The following KLLN variants were observed in gnomAD, a reference collection of about 807,000 sequenced individuals.
KLLN encodes the protein killin.
For synonymous variants in KLLN, 142 were observed against 102.2 expected (o/e 1.39, Z -2.35); for missense variants, 340 against 241.3 (o/e 1.41, Z -2.71).
Position 87,860,076 on chromosome 10 carries a change from T to G in KLLN, c.*1875A>C, listed in dbSNP as rs552063520. The G allele has an allele frequency of 9.4e-5, 14 of 149,428 alleles. No homozygotes were observed. The highest frequency in any genetic ancestry group is 3.4e-4 in the African/African-American group (14 of 40,734). 9.3% of individuals were successfully genotyped at this position (149,428 alleles called of 1,614,324 possible). ...ACTGAAGTGCTTGGAGACCAGTGTATTGTAATATCTATACAGCCAAGCAGG... is the reference window on the plus strand; with the variant it reads ...ACTGAAGTGCTTGGAGACCAGTGTAGTGTAATATCTATACAGCCAAGCAGG... On this transcript the variant is annotated 3_prime_UTR_variant, in exon 1 of 1. Coordinates refer to ENST00000445946, the MANE Select transcript of KLLN (RefSeq NM_001126049.2).
In KLLN at chr10:87,862,406, T is replaced by G; in HGVS notation, c.82A>C (p.Asn28His). Reference sequence around the variant, plus strand: ...TCGCTGGGCTGCAGCTTCCTACCGTTCCGTACTTTCCACTCAACCCGGTAA... The same window carrying G: ...TCGCTGGGCTGCAGCTTCCTACCGTGCCGTACTTTCCACTCAACCCGGTAA... The part of the protein sequence containing the change: ...WGYRVEWKVR[N>H]GRKLQPSEWA... Residue 28 changes from asparagine (N) to histidine (H), a missense_variant, in exon 1 of 1, where the codon AAC becomes CAC. Coordinates refer to ENST00000445946, the MANE Select transcript of KLLN (RefSeq NM_001126049.2). 1 of 1,551,580 alleles carries G rather than the reference T, an allele frequency of 6.4e-7. No individual in the cohort carries two copies.
Position 87,861,681 on chromosome 10 carries a change from C to T in KLLN, c.*270G>A, listed in dbSNP as rs1480438950. On this transcript the variant is annotated 3_prime_UTR_variant, in exon 1 of 1. Transcript: ENST00000445946. ...GGCTGACGGCCATTGACTAGGTTCTCAGACCAGATAAGTCACTTGGCTGAG... is the reference window on the plus strand; with the variant it reads ...GGCTGACGGCCATTGACTAGGTTCTTAGACCAGATAAGTCACTTGGCTGAG... The T allele has an allele frequency of 1.5e-5, 6 of 395,810 alleles. No individual in the cohort carries two copies. The highest frequency in any genetic ancestry group is 2.3e-5 in the Non-Finnish European group (5 of 221,158). 24.5% of individuals were successfully genotyped at this position (395,810 alleles called of 1,614,324 possible).
the KLLN span, chr10:87,862,228 G>T: frequency 8.4e-6 from 13 of 1,551,690 alleles, no homozygotes; most frequent in African/African-American, 1.4e-5. Flanking sequence ...GGAAGAAGAC[G>T]ACTTGCCTCC....
chr10:87,862,472 G>A lies in KLLN; in HGVS notation c.16C>T (p.Pro6Ser), dbSNP rs1418252245. 2.6e-6 allele frequency: 4 copies of A among 1,548,702 alleles called. No individual in the cohort carries two copies. Among genetic ancestry groups the A allele is most frequent in the East Asian group, 4.9e-5 (2 of 40,824 alleles). MDRPG[P>S]GSARPGRTVH... ...GTCCGGCCGGGGCGCGCGGAGCCTGGCCCCGGGCGATCCATCCTGCCGGGT... is the reference window on the plus strand; with the variant it reads ...GTCCGGCCGGGGCGCGCGGAGCCTGACCCCGGGCGATCCATCCTGCCGGGT... The change falls in exon 1 of 1, where the codon CCA becomes TCA. Residue 6 changes from proline to serine, a missense_variant. Transcript: ENST00000445946.
rs1330795451 is a variant in KLLN at position 87,862,213 on chromosome 10, G to C, written c.275C>G (p.Ala92Gly). ...CCTGCACCAGGCAAGAGCACCCCGA[G>C]CAAAGGAAGAAGACGACTTGCCTCC... ...SSGGKSSSSF[A>G]RGALAWCRQR... Residue 92 changes from alanine (A) to glycine (G), a missense_variant, in exon 1 of 1, where the codon GCT becomes GGT. Ala to Gly is a moderately conservative substitution (Grantham distance 60). Coordinates refer to ENST00000445946, the MANE Select transcript of KLLN (RefSeq NM_001126049.2). 3.9e-6 allele frequency: 6 copies of C among 1,551,722 alleles called. No individual in the cohort carries two copies. The highest frequency in any genetic ancestry group is 5.2e-6 in the Non-Finnish European group (6 of 1,147,006).
rs1180431248 is a variant in KLLN, at chr10:87,862,465, G to A, written c.23C>T (p.Ser8Phe). Residue 8 changes from serine to phenylalanine, a missense_variant, in exon 1 of 1, where the codon TCC becomes TTC. Ser to Phe is a radical substitution (Grantham distance 155, BLOSUM62 -2). Transcript: ENST00000445946. MDRPGPG[S>F]ARPGRTVHVW... The stretch of plus-strand genomic sequence containing the variant: ...GTGCACGGTCCGGCCGGGGCGCGCG[G>A]AGCCTGGCCCCGGGCGATCCATCCT... The A allele has an allele frequency of 2.6e-6, 4 of 1,549,808 alleles. No individual in the cohort carries two copies. Among genetic ancestry groups the A allele is most frequent in the South Asian group, 2.4e-5 (2 of 84,014 alleles).
chr10:87,862,782 C>G lies in KLLN; in HGVS notation c.-295G>C, dbSNP rs114717956. The G allele has an allele frequency of 1.1e-5, 5 of 462,098 alleles. No individual in the cohort carries two copies. The highest frequency in any genetic ancestry group is 2.0e-5 in the Non-Finnish European group (5 of 247,642). 28.6% of individuals were successfully genotyped at this position (462,098 alleles called of 1,614,324 possible). Reference sequence around the variant, plus strand: ...TTTTAGGGCAAACGAGCCGAGTTACCGGGGAAGCGAGAGGTGGGGCGCTGC... The same window carrying G: ...TTTTAGGGCAAACGAGCCGAGTTACGGGGGAAGCGAGAGGTGGGGCGCTGC... On this transcript the variant is annotated 5_prime_UTR_variant, in exon 1 of 1. Transcript: ENST00000445946.
Position 87,862,846 on chromosome 10 carries a change from T to G in KLLN, c.-359A>C. 3.0e-6 allele frequency: 1 copy of G among 334,744 alleles called. No individual in the cohort carries two copies. Among genetic ancestry groups the G allele is most frequent in the Non-Finnish European group, 5.9e-6 (1 of 169,054 alleles). The allele number at this position is 334,744 out of a possible 1,614,324, so 20.7% of individuals were successfully genotyped here. On this transcript the variant is annotated 5_prime_UTR_variant, in exon 1 of 1. Transcript: ENST00000445946. ...GAGGTGATACACGCTGGCGACACAA[T>G]AGCAGGTTGCTCTTTGTGCTAAGAC... is the stretch of plus-strand genomic sequence containing the variant.
rs1202318977 is a variant in KLLN, at chr10:87,860,966, G to A, written c.*985C>T. The stretch of plus-strand genomic sequence containing the variant: ...GCCTTTCTCTTACTCTTTTCCGGTT[G>A]CTTTCCATTTCCTTTTCCACTGTGG... On this transcript the variant is annotated 3_prime_UTR_variant, in exon 1 of 1. Transcript: ENST00000445946. The A allele has an allele frequency of 6.6e-6, 1 of 152,224 alleles. No individual in the cohort carries two copies. Among genetic ancestry groups the A allele is most frequent in the African/African-American group, 2.4e-5 (1 of 41,448 alleles). 9.4% of individuals were successfully genotyped at this position (152,224 alleles called of 1,614,324 possible).
chr10:87,860,622 G>A lies in KLLN; in HGVS notation c.*1329C>T, dbSNP rs1326251357. On this transcript the variant is annotated 3_prime_UTR_variant, in exon 1 of 1. Coordinates refer to ENST00000445946, the MANE Select transcript of KLLN (RefSeq NM_001126049.2). ...ATGCTATGAGACTAATTGTCACTTAGGGTAGGCTCCAGGGGAGGGACAGAG... is the reference window on the plus strand; with the variant it reads ...ATGCTATGAGACTAATTGTCACTTAAGGTAGGCTCCAGGGGAGGGACAGAG... 1 of 152,232 alleles carries A rather than the reference G, an allele frequency of 6.6e-6. No individual in the cohort carries two copies. The highest frequency in any genetic ancestry group is 6.5e-5 in the Admixed American group (1 of 15,288). 9.4% of individuals were successfully genotyped at this position (152,232 alleles called of 1,614,324 possible).
chr10:87,861,655 G>T lies in KLLN; in HGVS notation c.*296C>A. On this transcript the variant is annotated 3_prime_UTR_variant, in exon 1 of 1. Transcript: ENST00000445946. ...TAAACAGACTTGACAGGTTTGTTCT[G>T]GGCTGACGGCCATTGACTAGGTTCT... 3.0e-6 allele frequency: 1 copy of T among 338,652 alleles called. No individual in the cohort carries two copies. Among genetic ancestry groups the T allele is most frequent in the East Asian group, 4.6e-5 (1 of 21,718 alleles). The allele number at this position is 338,652 out of a possible 1,614,324, so 21.0% of individuals were successfully genotyped here. A position where few individuals can be genotyped will look rare whatever the true frequency, so the allele number is the denominator to read the frequency against.
Position 87,862,774 on chromosome 10 carries a change from C to T in KLLN, c.-287G>A. The T allele has an allele frequency of 2.1e-6, 1 of 473,786 alleles. No individual in the cohort carries two copies. Among genetic ancestry groups the T allele is most frequent in the Non-Finnish European group, 3.9e-6 (1 of 255,044 alleles). 29.3% of individuals were successfully genotyped at this position (473,786 alleles called of 1,614,324 possible). Reference sequence around the variant, plus strand: ...GCTTTCATTTTTAGGGCAAACGAGCCGAGTTACCGGGGAAGCGAGAGGTGG... The same window carrying T: ...GCTTTCATTTTTAGGGCAAACGAGCTGAGTTACCGGGGAAGCGAGAGGTGG... On this transcript the variant is annotated 5_prime_UTR_variant, in exon 1 of 1. Coordinates refer to ENST00000445946, the MANE Select transcript of KLLN (RefSeq NM_001126049.2).
chr10:87,863,455 C>T lies in KLLN; in HGVS notation c.-968G>A, dbSNP rs1858328945. The T allele has an allele frequency of 2.6e-6, 1 of 378,012 alleles. No homozygotes were observed. 23.4% of individuals were successfully genotyped at this position (378,012 alleles called of 1,614,324 possible). On this transcript the variant is annotated 5_prime_UTR_variant, in exon 1 of 1. Transcript: ENST00000445946. ...TGCCCTGCCCTCCCCTCGCCCGGCG[C>T]GGTCCCGTCCGCCTCTCGCTCGCCT...
chr10:87,861,569 C>T lies in KLLN; in HGVS notation c.*382G>A, dbSNP rs1858256000. On this transcript the variant is annotated 3_prime_UTR_variant, in exon 1 of 1. Transcript: ENST00000445946. ...GTGGGGTGCGGGGTAGGAGTGCGATCCAACTCTCAGCATTTCCGAATCAGC... is the reference window on the plus strand; with the variant it reads ...GTGGGGTGCGGGGTAGGAGTGCGATTCAACTCTCAGCATTTCCGAATCAGC... The T allele has an allele frequency of 5.2e-6, 1 of 192,204 alleles. No individual in the cohort carries two copies. Among genetic ancestry groups the T allele is most frequent in the South Asian group, 1.8e-4 (1 of 5,620 alleles). The allele number at this position is 192,204 out of a possible 1,614,324, so 11.9% of individuals were successfully genotyped here.
At position 87,862,026 on chromosome 10, in the gene KLLN, A is replaced by G. The variant is rs1320457632; in HGVS notation, c.462T>C (p.Leu154=). The part of the protein sequence containing the change: ...RLPACWLPPI[L]TERGERVPKL... Reference sequence around the variant, plus strand: ...TGGGGACTCTCTCCCCGCGTTCTGTAAGAATCGGCGGCAGCCAGCAGGCGG... The same window carrying G: ...TGGGGACTCTCTCCCCGCGTTCTGTGAGAATCGGCGGCAGCCAGCAGGCGG... The change falls in exon 1 of 1, where the codon CTT becomes CTC. Residue 154 remains leucine (L), a synonymous_variant. Coordinates refer to ENST00000445946, the MANE Select transcript of KLLN (RefSeq NM_001126049.2). 4.7e-6 allele frequency: 7 copies of G among 1,485,270 alleles called. No individual in the cohort carries two copies. The highest frequency in any genetic ancestry group is 9.0e-7 in the Non-Finnish European group (1 of 1,115,820). The allele number at this position is 1,485,270 out of a possible 1,614,324, so 92.0% of individuals were successfully genotyped here.
Position 87,861,811 on chromosome 10 carries a change from G to T in KLLN, c.*140C>A. ...GGGCTGCAGCAGGAGATACCCTCAA[G>T]CACAGAACCAAAAGGGTTCACCCTA... is the stretch of plus-strand genomic sequence containing the variant. On this transcript the variant is annotated 3_prime_UTR_variant, in exon 1 of 1. Transcript: ENST00000445946. 1.4e-6 allele frequency: 1 copy of T among 711,244 alleles called. No individual in the cohort carries two copies. 44.1% of individuals were successfully genotyped at this position (711,244 alleles called of 1,614,324 possible).
rs773066595 is a variant in KLLN at position 87,862,267 on chromosome 10, G to T, written c.221C>A (p.Ser74Tyr). The T allele has an allele frequency of 1.1e-5, 17 of 1,551,730 alleles. No homozygotes were observed. Among genetic ancestry groups the T allele is most frequent in the Middle Eastern group, 1.7e-4 (1 of 5,990 alleles). The change falls in exon 1 of 1, where the codon TCC becomes TAC. Residue 74 changes from serine (S) to tyrosine (Y), a missense_variant. Coordinates refer to ENST00000445946, the MANE Select transcript of KLLN (RefSeq NM_001126049.2). ...GCTATCACTGGGGAGTGGGAATTTG[G>T]AAAGTTCCCCAACTAGGGACACACG... ...RSRVSLVGEL[S>Y]KFPLPSDSSG...
the KLLN span, chr10:87,862,370 GC>G: frequency 6.4e-7 from 1 of 1,551,602 alleles, no homozygotes; most frequent in Non-Finnish European, 8.7e-7. Flanking sequence ...AGGTCTCCTC[GC>G]CCCGCCCACT....
rs1448308319 is a variant in KLLN at position 87,861,925 on chromosome 10, G to A, written c.*26C>T. 4.1e-6 allele frequency: 6 copies of A among 1,452,046 alleles called. No homozygotes were observed. The highest frequency in any genetic ancestry group is 5.5e-6 in the Non-Finnish European group (6 of 1,099,616). 89.9% of individuals were successfully genotyped at this position (1,452,046 alleles called of 1,614,324 possible). A position where few individuals can be genotyped will look rare whatever the true frequency, so the allele number is the denominator to read the frequency against. Reference sequence around the variant, plus strand: ...TTGGGAAGGCGCAGAATAGGTCGATGTAGAGCAAGGAGTGAGTCTCAGGTC... The same window carrying A: ...TTGGGAAGGCGCAGAATAGGTCGATATAGAGCAAGGAGTGAGTCTCAGGTC... On this transcript the variant is annotated 3_prime_UTR_variant, in exon 1 of 1. Transcript: ENST00000445946.
Sources: allele counts gnomAD v4.1 joint callset, GRCh38; gene constraint gnomAD v4.1.1; transcripts MANE v1.5; gene names NCBI Gene and HGNC (gene_info 2026-07-23, HGNC 2026-07-21).